Variants in PCCB observed in about 807,000 individuals in gnomAD.
The protein encoded by PCCB is propionyl-CoA carboxylase subunit beta.
A neutral mutation model predicts 60.7 loss-of-function variants in PCCB; 43 were observed. The ratio of observed to expected loss-of-function variants is 0.71; its 90% confidence interval spans 0.55 to 0.91. The LOEUF is 0.91. PCCB is among the 40% of genes least tolerant of loss of function. The pLI, the probability that PCCB is intolerant of heterozygous loss-of-function variation, is 0.00. For synonymous variants in PCCB, 276 were observed against 255.9 expected (o/e 1.08, Z -0.75); for missense variants, 766 against 702.8 (o/e 1.09, Z -1.02).
At chr3:136,287,641 G>A (rs1933479419) in intron 6 of PCCB, among the ~76,000 whole-genome samples, 1 of 152,102 alleles carries the variant, frequency 6.6e-6, no homozygotes, top group Non-Finnish European at 1.5e-5. Flanking sequence ...TGCTGTGTTG[G>A]CCAGGGTGGT....
At chr3:136,260,187 C>T in intron 3 of PCCB, 2 of 466,466 alleles carry the variant, frequency 4.3e-6, no homozygotes, top group South Asian at 2.0e-5. Flanking sequence ...AATCCTCCTG[C>T]CTCAGCCTCC....
chr3:136,329,267 G>T (rs1011762379), intron 14 of PCCB, among the ~76,000 whole-genome samples: 2 of 152,190 alleles, frequency 1.3e-5, no homozygotes, highest in Admixed American at 6.5e-5. Context: ...TCATTCTGTG[G>T]CTTGACCGGG....
chr3:136,280,804 CACT>C (rs1482507165), intron 5 of PCCB, among the ~76,000 whole-genome samples: 1 of 152,132 alleles, frequency 6.6e-6, no homozygotes, highest in Non-Finnish European at 1.5e-5. Context: ...AGTAGAACAC[CACT>C]ATGCCCGACC....
intron 9 of PCCB, 99 bp from the exon 10 acceptor site, chr3:136,316,842 A>T: frequency 7.1e-7 from 1 of 1,401,264 alleles, no homozygotes; most frequent in African/African-American, 1.4e-5. Flanking sequence ...GTCTACCTCT[A>T]CCTCTGTAAT....
chr3:136,313,700 G>C (rs1934761865), intron 9 of PCCB, among the ~76,000 whole-genome samples: 1 of 152,126 alleles, frequency 6.6e-6, no homozygotes, highest in Admixed American at 6.5e-5. Flanking sequence ...ACATGAACCT[G>C]TTTTAAATGA....
intron 5 of PCCB, 44 bp downstream of exon 5, chr3:136,262,109 G>T (rs1410337138): frequency 1.4e-5 from 18 of 1,247,910 alleles, no homozygotes; most frequent in Non-Finnish European, 1.8e-5. Context: ...CAGGGCTTAA[G>T]TTCTCTAAGC....
At chr3:136,326,756 C>G (rs1560033399) in intron 10 of PCCB, 47 bp from the exon 11 acceptor site, 5 of 1,270,766 alleles carry the variant, frequency 3.9e-6, no homozygotes, top group Non-Finnish European at 5.8e-6. Context: ...GTGGATAGAA[C>G]TGGGAATTGC....
intron 9 of PCCB, 47 bp from the exon 10 acceptor site, chr3:136,316,894 T>A: frequency 6.2e-7 from 1 of 1,605,178 alleles, no homozygotes; most frequent in East Asian, 2.2e-5. Context: ...TTACATCTTA[T>A]ACTTGTCTTT....
intron 5 of PCCB, among the ~76,000 whole-genome samples, chr3:136,277,326 TG>T (rs1444006888): frequency 1.3e-5 from 2 of 152,198 alleles, no homozygotes. Context: ...TACCTAGAGA[TG>T]CTGTAGTGGA....
At chr3:136,299,428 A>G (rs1220164516) in intron 8 of PCCB, among the ~76,000 whole-genome samples, 2 of 151,996 alleles carry the variant, frequency 1.3e-5, no homozygotes, top group Non-Finnish European at 2.9e-5. Context: ...ATGTATATGT[A>G]TGCTTATGTA....
chr3:136,270,334 T>G (rs1261300388), intron 5 of PCCB, among the ~76,000 whole-genome samples: 2 of 152,158 alleles, frequency 1.3e-5, no homozygotes, highest in African/African-American at 2.4e-5. Context: ...CTTGTGATTT[T>G]TTCTTTTGGT....
intron 1 of PCCB, among the ~76,000 whole-genome samples, chr3:136,252,648 C>T (rs1245856210): frequency 6.6e-6 from 1 of 150,618 alleles, no homozygotes; most frequent in African/African-American, 2.5e-5. Context: ...CCACTTCAGC[C>T]TCCTACCCAG....
At chr3:136,326,524 G>C (rs1935315547) in intron 10 of PCCB, 1 of 651,144 alleles carries the variant, frequency 1.5e-6, no homozygotes, top group Non-Finnish European at 2.8e-6. Flanking sequence ...ATGGCTCCCT[G>C]CGGCAAGGCC....
At chr3:136,270,508 T>C (rs1435859519) in intron 5 of PCCB, among the ~76,000 whole-genome samples, 2 of 152,026 alleles carry the variant, frequency 1.3e-5, no homozygotes, top group African/African-American at 4.8e-5. Context: ...TTTTGACATT[T>C]TTTTTTTTCC....
intron 5 of PCCB, among the ~76,000 whole-genome samples, chr3:136,282,304 G>A (rs1942497191): frequency 6.6e-6 from 1 of 152,196 alleles, no homozygotes; most frequent in Non-Finnish European, 1.5e-5. Context: ...AGACTCCAGA[G>A]TTCAAAAATA....
chr3:136,329,322 A>T (rs1435246006), intron 14 of PCCB, among the ~76,000 whole-genome samples: 5 of 152,190 alleles, frequency 3.3e-5, no homozygotes, highest in Non-Finnish European at 7.3e-5. Context: ...AGTTGCTGTT[A>T]GCTAGACTCA....
intron 3 of PCCB, among the ~76,000 whole-genome samples, chr3:136,257,541 A>G (rs1430628939): frequency 1.3e-5 from 2 of 152,202 alleles, no homozygotes; most frequent in African/African-American, 4.8e-5. Flanking sequence ...AAACTAACAC[A>G]GAATATGTTG....
In PCCB at chr3:136,323,992, G is replaced by GTTTTT. The variant is rs774958157; in HGVS notation, c.1091-2801_1091-2797dup. On this transcript the variant is annotated intron_variant, in intron 10 of 14. Coordinates refer to ENST00000251654, the MANE Select transcript of PCCB (RefSeq NM_000532.5). ...AAATTTTCCTCTTTTCCCAAGCTTTGTTTTTTTTTTTTTTGATATTTAATG... is the reference window on the plus strand; with the variant it reads ...AAATTTTCCTCTTTTCCCAAGCTTTGTTTTTTTTTTTTTTTTTTTGATATTTAATG... Among the ~76,000 whole-genome samples, 739 of 128,704 alleles carry GTTTTT rather than the reference G, an allele frequency of 5.7e-3. 10 individuals carry two copies. Among genetic ancestry groups the GTTTTT allele is most frequent in the African/African-American group, 0.02 (699 of 35,060 alleles). The allele number at this position is 128,704 out of a possible 152,430, so 84.4% of individuals were successfully genotyped here.
intron 4 of PCCB, among the ~76,000 whole-genome samples, 166 bp downstream of exon 4, chr3:136,260,701 A>T (rs1158121048): frequency 6.6e-6 from 1 of 152,158 alleles, no homozygotes; most frequent in Non-Finnish European, 1.5e-5. Flanking sequence ...CGTACCATGG[A>T]TCTCTTCCAT....
Sources: gnomAD v4.1 joint callset for allele counts (sites outside exome capture counted in the v4.1 genomes callset) on GRCh38, gnomAD v4.1.1 for gene constraint, MANE v1.5 for transcripts, NCBI Gene and HGNC (gene_info 2026-07-23, HGNC 2026-07-21) for gene names.